The following STPG2 variants were observed in gnomAD, a reference collection of about 807,000 sequenced individuals.
STPG2 encodes the protein sperm tail PG-rich repeat containing 2, also known as sperm-tail PG-rich repeat-containing protein 2.
A neutral mutation model predicts 54.2 loss-of-function variants in STPG2; 56 were observed. That is an observed-to-expected ratio of 1.03 (90% CI 0.83 to 1.29). The LOEUF (loss-of-function observed/expected upper bound fraction) is 1.29, where lower values mean the gene tolerates loss of function less well. STPG2 is among the 50% of genes most tolerant of loss of function. The pLI is 0.00. For missense variants in STPG2, 596 were observed against 544.9 expected (o/e 1.09, Z -0.93); for synonymous variants, 200 against 181.8 (o/e 1.10, Z -0.81).
At chr4:98,114,753 ATT>A (rs33980852) in intron 3 of STPG2, among the ~76,000 whole-genome samples, 1,607 of 146,024 alleles carry the variant, frequency 0.011, 15 homozygotes, top group African/African-American at 0.028. Flanking sequence ...AATAATATCC[ATT>A]TTTTTTTTTT....
intron 9 of STPG2, among the ~76,000 whole-genome samples, chr4:97,790,328 G>A (rs921529121): frequency 6.6e-6 from 1 of 152,100 alleles, no homozygotes; most frequent in Non-Finnish European, 1.5e-5. Flanking sequence ...GATGCTGTAA[G>A]AAATTACCAC....
chr4:97,796,982 T>C (rs1447475270), intron 9 of STPG2, among the ~76,000 whole-genome samples: 6 of 152,154 alleles, frequency 3.9e-5, no homozygotes, highest in African/African-American at 1.4e-4. Flanking sequence ...TCACTCATGA[T>C]TTGGCTCTCT....
chr4:98,142,543 T>A (rs1320045460), intron 1 of STPG2, among the ~76,000 whole-genome samples: 2 of 151,884 alleles, frequency 1.3e-5, no homozygotes, highest in Admixed American at 6.6e-5. Context: ...TTAAAAGAGA[T>A]GAGGACGGTC....
intron 7 of STPG2, among the ~76,000 whole-genome samples, chr4:97,969,308 A>G (rs1194401856): frequency 1.3e-5 from 2 of 152,308 alleles, no homozygotes; most frequent in East Asian, 3.9e-4. Context: ...GTAAATTCTT[A>G]TTTCTGTATG....
At chr4:97,936,556 C>A (rs1244643798) in intron 8 of STPG2, among the ~76,000 whole-genome samples, 1 of 152,124 alleles carries the variant, frequency 6.6e-6, no homozygotes, top group Non-Finnish European at 1.5e-5. Flanking sequence ...TTCAGGAGAT[C>A]TTGCAAGGCA....
chr4:97,884,556 T>G (rs1173950532), intron 8 of STPG2, among the ~76,000 whole-genome samples: 1 of 152,146 alleles, frequency 6.6e-6, no homozygotes, highest in Non-Finnish European at 1.5e-5. Context: ...GCTCTTGCAC[T>G]TCTAGCCTCC....
chr4:98,116,451 T>A (rs3911282), intron 3 of STPG2, among the ~76,000 whole-genome samples: 59,931 of 151,586 alleles, frequency 0.4, 12,099 homozygotes, highest in Middle Eastern at 0.46. Context: ...GGCCAAGGAC[T>A]AATAACTATT....
At chr4:97,967,795 T>A (rs1036849761) in intron 7 of STPG2, among the ~76,000 whole-genome samples, 5 of 152,176 alleles carry the variant, frequency 3.3e-5, no homozygotes, top group Non-Finnish European at 7.3e-5. Flanking sequence ...GAAATAAAGA[T>A]GTTCTTTGAA....
At chr4:97,843,172 G>T (rs1348861912) in intron 8 of STPG2, among the ~76,000 whole-genome samples, 1 of 151,410 alleles carries the variant, frequency 6.6e-6, no homozygotes, top group Non-Finnish European at 1.5e-5. Context: ...TGGTTTTTTG[G>T]TGGTTTTTTT....
At chr4:97,655,462 A>G (rs2148956887) in intron 10 of STPG2, among the ~76,000 whole-genome samples, 1 of 152,246 alleles carries the variant, frequency 6.6e-6, no homozygotes, top group Non-Finnish European at 1.5e-5. Flanking sequence ...TGATAGAACT[A>G]TTAAACAAAA....
intron 8 of STPG2, among the ~76,000 whole-genome samples, chr4:97,850,741 A>G (rs1729133406): frequency 6.6e-6 from 1 of 152,114 alleles, no homozygotes; most frequent in Non-Finnish European, 1.5e-5. Flanking sequence ...TTTTCTTTGC[A>G]TTGGTTAAAA....
intron 5 of STPG2, among the ~76,000 whole-genome samples, chr4:98,094,820 T>C (rs1282416212): frequency 6.6e-6 from 1 of 152,132 alleles, no homozygotes; most frequent in Non-Finnish European, 1.5e-5. Flanking sequence ...ATAGTTTGAG[T>C]GCTAGCTTAG....
intron 9 of STPG2, among the ~76,000 whole-genome samples, chr4:97,827,929 A>G (rs937764945): frequency 1.3e-5 from 2 of 152,174 alleles, no homozygotes; most frequent in African/African-American, 4.8e-5. Context: ...TGGGACCTCA[A>G]GAGGAGAGGA....
intron 5 of STPG2, among the ~76,000 whole-genome samples, chr4:97,998,923 G>A (rs563641372): frequency 3.3e-5 from 5 of 152,110 alleles, no homozygotes; most frequent in Non-Finnish European, 2.9e-5. Context: ...CTTAGAGAGG[G>A]GAGAAAAAGT....
At chr4:97,592,193 AC>A (rs2148899099) in intron 10 of STPG2, among the ~76,000 whole-genome samples, 1 of 152,234 alleles carries the variant, frequency 6.6e-6, no homozygotes, top group African/African-American at 2.4e-5. Context: ...CCATACTGGG[AC>A]TGGAGAACCC....
At chr4:97,686,526 TGGAG>T in intron 10 of STPG2, among the ~76,000 whole-genome samples, 1 of 152,256 alleles carries the variant, frequency 6.6e-6, no homozygotes, top group East Asian at 1.9e-4. Flanking sequence ...GTTCTTCTGC[TGGAG>T]GTTAGAATCC....
chr4:97,686,827 T>A (rs1197186069), intron 10 of STPG2, among the ~76,000 whole-genome samples: 2 of 152,058 alleles, frequency 1.3e-5, no homozygotes. Context: ...ATATTTACTT[T>A]TTCTCTAAAA....
At chr4:98,017,730 T>A (rs565761192) in intron 5 of STPG2, among the ~76,000 whole-genome samples, 1 of 152,306 alleles carries the variant, frequency 6.6e-6, no homozygotes, top group Admixed American at 6.5e-5. Flanking sequence ...TCATCTCAAA[T>A]TGTAATTCTC....
At chr4:98,002,786 C>G (rs1026681794) in intron 5 of STPG2, among the ~76,000 whole-genome samples, 1 of 151,914 alleles carries the variant, frequency 6.6e-6, no homozygotes, top group East Asian at 1.9e-4. Context: ...TTAATAACAG[C>G]GTTTTTTAAA....
Sources: gnomAD v4.1 joint callset for allele counts (sites outside exome capture counted in the v4.1 genomes callset) on GRCh38, gnomAD v4.1.1 for gene constraint, MANE v1.5 for transcripts, NCBI Gene and HGNC (gene_info 2026-07-23, HGNC 2026-07-21) for gene names.